The following CHD7 variants were observed in gnomAD, a reference collection of about 807,000 sequenced individuals.
The protein encoded by CHD7 is chromodomain helicase DNA binding protein 7.
Under a neutral mutation model 307.3 loss-of-function variants are expected in CHD7, and 24 were observed. The ratio of observed to expected loss-of-function variants is 0.08; its 90% CI spans 0.06 to 0.11. The LOEUF is 0.11. CHD7 is among the 10% of genes least tolerant of loss of function. The pLI is 1.00. For missense variants in CHD7, 3,106 were observed against 3,727.1 expected, an observed-to-expected ratio of 0.83 and a Z score of 4.34; for synonymous variants, 1,363 against 1,349.9, an observed-to-expected ratio of 1.01 and a Z score of -0.21.
At chr8:60,862,362 C>A in intron 36 of CHD7, 26 bp downstream of exon 36, 1 of 1,587,242 alleles carries the variant, frequency 6.3e-7, no homozygotes, top group Non-Finnish European at 8.6e-7. Flanking sequence ...GGGAATTGAT[C>A]ACTATGCGAT....
intron 3 of CHD7, among the ~76,000 whole-genome samples, chr8:60,791,200 A>G (rs1389202157): frequency 6.6e-6 from 1 of 152,180 alleles, no homozygotes; most frequent in Non-Finnish European, 1.5e-5. Flanking sequence ...TGAGGTGGGA[A>G]ATACAGGAGA....
chr8:60,833,455 A>C (rs1411504462), intron 15 of CHD7, among the ~76,000 whole-genome samples: 1 of 152,012 alleles, frequency 6.6e-6, no homozygotes, highest in Non-Finnish European at 1.5e-5. Flanking sequence ...AGTGGGCAAA[A>C]AGAAAACACG....
At chr8:60,712,638 C>T (rs1355752369) in intron 1 of CHD7, among the ~76,000 whole-genome samples, 3 of 152,114 alleles carry the variant, frequency 2.0e-5, no homozygotes, top group Non-Finnish European at 4.4e-5. Flanking sequence ...GGAAGCTGGC[C>T]GGGTGCAGTG....
chr8:60,776,524 C>T (rs1376617967), intron 2 of CHD7, among the ~76,000 whole-genome samples: 1 of 152,200 alleles, frequency 6.6e-6, no homozygotes. Context: ...CCCCCTCTCT[C>T]TCAGCCTGGG....
At chr8:60,777,819 A>T (rs1025369486) in intron 2 of CHD7, among the ~76,000 whole-genome samples, 1 of 152,230 alleles carries the variant, frequency 6.6e-6, no homozygotes, top group Non-Finnish European at 1.5e-5. Context: ...AGTTCATGGC[A>T]GTCTTTATAT....
chr8:60,813,847 A>C (rs973954115), intron 7 of CHD7, among the ~76,000 whole-genome samples: 1 of 151,370 alleles, frequency 6.6e-6, no homozygotes, highest in African/African-American at 2.4e-5. Flanking sequence ...AGTATTATAA[A>C]TATAAATATT....
intron 2 of CHD7, among the ~76,000 whole-genome samples, chr8:60,758,558 A>G (rs1163509164): frequency 6.6e-6 from 1 of 152,224 alleles, no homozygotes; most frequent in African/African-American, 2.4e-5. Flanking sequence ...ATATTTTATT[A>G]TTGTAAATAA....
intron 1 of CHD7, among the ~76,000 whole-genome samples, chr8:60,700,027 T>A (rs1806682387): frequency 6.6e-6 from 1 of 151,918 alleles, no homozygotes; most frequent in South Asian, 2.1e-4. Context: ...AGGGGGTTTC[T>A]CCATGTTGGT....
At chr8:60,832,749 A>G (rs952176403) in intron 15 of CHD7, among the ~76,000 whole-genome samples, 1 of 152,144 alleles carries the variant, frequency 6.6e-6, no homozygotes, top group African/African-American at 2.4e-5. Flanking sequence ...ATATGCATTG[A>G]ACATTGTGGG....
chr8:60,691,543 T>C (rs140552156), intron 1 of CHD7, among the ~76,000 whole-genome samples: 24 of 152,338 alleles, frequency 1.6e-4, no homozygotes, highest in Admixed American at 3.3e-4. Flanking sequence ...GCTTGTCCAT[T>C]ATCCTCCAGG....
At chr8:60,816,243 G>C (rs1803741558) in intron 7 of CHD7, 144 bp from the exon 8 acceptor site, 1 of 567,992 alleles carries the variant, frequency 1.8e-6, no homozygotes, top group Non-Finnish European at 3.1e-6. Context: ...AACAGTGGTG[G>C]GTATATTAAA....
At chr8:60,809,269 A>G (rs1408678545) in intron 7 of CHD7, among the ~76,000 whole-genome samples, 5 of 152,230 alleles carry the variant, frequency 3.3e-5, no homozygotes, top group Non-Finnish European at 7.3e-5. Context: ...GTTCAATGAA[A>G]TACAGTCTGA....
At chr8:60,683,025 T>A (rs1298375980) in intron 1 of CHD7, among the ~76,000 whole-genome samples, 1 of 152,220 alleles carries the variant, frequency 6.6e-6, no homozygotes, top group East Asian at 1.9e-4. Flanking sequence ...CAGCAATATA[T>A]TGGCTCTGTG....
chr8:60,845,542 C>A, intron 23 of CHD7, 133 bp downstream of exon 23: 1 of 961,648 alleles, frequency 1.0e-6, no homozygotes, highest in Non-Finnish European at 1.5e-6. Flanking sequence ...ACCTGAGCAT[C>A]TGCGGATCTT....
chr8:60,817,743 A>G (rs1803815125), intron 8 of CHD7, among the ~76,000 whole-genome samples: 1 of 152,188 alleles, frequency 6.6e-6, no homozygotes, highest in African/African-American at 2.4e-5. Flanking sequence ...ATGCTGTGAG[A>G]TTCTATTTTT....
intron 26 of CHD7, 31 bp from the exon 27 acceptor site, chr8:60,851,001 T>C (rs1416850448): frequency 5.4e-6 from 8 of 1,472,252 alleles, no homozygotes; most frequent in Non-Finnish European, 7.4e-6. Context: ...ATCAGTATGA[T>C]TCAAATAATT....
chr8:60,800,359 A>G (rs751824911), intron 4 of CHD7, 29 bp from the exon 5 acceptor site: 1 of 1,606,642 alleles, frequency 6.2e-7, no homozygotes, highest in Non-Finnish European at 8.5e-7. Flanking sequence ...CATTAATTTC[A>G]AGGCCACTGT....
intron 17 of CHD7, among the ~76,000 whole-genome samples, chr8:60,837,237 A>G (rs928820975): frequency 6.6e-6 from 1 of 152,194 alleles, no homozygotes; most frequent in African/African-American, 2.4e-5. Context: ...TGGCACATAG[A>G]TAGGGTCTTA....
chr8:60,823,406 GA>G (rs1804133177), intron 12 of CHD7, among the ~76,000 whole-genome samples: 1 of 142,928 alleles, frequency 7.0e-6, no homozygotes, highest in African/African-American at 2.8e-5. Flanking sequence ...TAGATAGATA[GA>G]TAGATAGATA....
Sources: allele counts gnomAD v4.1 joint callset (sites outside exome capture counted in the v4.1 genomes callset), GRCh38; gene constraint gnomAD v4.1.1; transcripts MANE v1.5; gene names NCBI Gene and HGNC (gene_info 2026-07-23, HGNC 2026-07-21).